Variants in HABP4 observed in about 807,000 individuals in gnomAD.
The protein encoded by HABP4 is hyaluronan binding protein 4, also known as intracellular hyaluronan-binding protein 4.
A neutral mutation model predicts 44.1 loss-of-function variants in HABP4; 32 were observed. That is an observed-to-expected ratio of 0.73 (90% CI 0.55 to 0.97). The LOEUF (loss-of-function observed/expected upper bound fraction) is 0.97. Among genes scored for constraint, HABP4 ranks in the 50% least tolerant of loss-of-function variants. HABP4 has a pLI of 0.00. For synonymous variants in HABP4, 216 were observed against 218.0 expected (o/e 0.99, Z 0.08); for missense variants, 503 against 561.9 (o/e 0.90, Z 1.06).
chr9:96,450,260 C>T lies in HABP4; in HGVS notation c.-20C>T, dbSNP rs1166253909. 1.4e-6 allele frequency: 2 copies of T among 1,415,752 alleles called. No individual in the cohort carries two copies. Among genetic ancestry groups the T allele is most frequent in the Admixed American group, 2.6e-5 (1 of 38,470 alleles). 87.7% of individuals were successfully genotyped at this position (1,415,752 alleles called of 1,614,324 possible). On this transcript the variant is annotated 5_prime_UTR_variant, in exon 1 of 8. Coordinates refer to ENST00000375249, the MANE Select transcript of HABP4 (RefSeq NM_014282.4). This position sits in a 1 kb window ranked among gnomAD's most constrained non-coding sequence, Gnocchi z 4.8. The stretch of plus-strand genomic sequence containing the variant: ...CGCTCGCGTGGGCTGCCCTCCCGGG[C>T]CCGCAGTGGTCGCGGCGGCATGAAG...
intron 5 of HABP4, among the ~76,000 whole-genome samples, chr9:96,473,909 C>T (rs1481925286): frequency 2.0e-5 from 3 of 152,240 alleles, no homozygotes; most frequent in East Asian, 1.9e-4. Flanking sequence ...GAAATCCCAG[C>T]TCTGCCACTT....
At chr9:96,462,051 C>T (rs994985417) in intron 2 of HABP4, among the ~76,000 whole-genome samples, 1 of 151,242 alleles carries the variant, frequency 6.6e-6, no homozygotes, top group Non-Finnish European at 1.5e-5. Context: ...GAGGCTGAGG[C>T]AGGAGAATCG....
chr9:96,484,411 C>A, intron 5 of HABP4, 51 bp from the exon 6 acceptor site: 1 of 779,542 alleles, frequency 1.3e-6, no homozygotes, highest in Non-Finnish European at 2.1e-6. Context: ...ATAAAGTAGA[C>A]ATTTTAGTAC....
intron 1 of HABP4, among the ~76,000 whole-genome samples, chr9:96,455,866 C>T (rs1332635057): frequency 6.6e-6 from 1 of 151,756 alleles, no homozygotes; most frequent in Non-Finnish European, 1.5e-5. Context: ...ACCAGCCTGG[C>T]CAACATGGTG....
At chr9:96,473,660 G>A (rs1832732457) in intron 5 of HABP4, among the ~76,000 whole-genome samples, 1 of 152,124 alleles carries the variant, frequency 6.6e-6, no homozygotes, top group Non-Finnish European at 1.5e-5. Flanking sequence ...AAACCCTCAA[G>A]TTCAGACATT....
intron 3 of HABP4, 55 bp from the exon 4 acceptor site, chr9:96,465,655 G>A (rs1248985729): frequency 2.3e-6 from 3 of 1,286,906 alleles, no homozygotes; most frequent in East Asian, 2.3e-5. Flanking sequence ...TTTCTGATTT[G>A]GAGATTGACT....
intron 1 of HABP4, among the ~76,000 whole-genome samples, chr9:96,456,771 AAAAAAAAAAATATATATAT>A (rs1832388537): frequency 4.2e-5 from 3 of 70,740 alleles, no homozygotes; most frequent in Non-Finnish European, 7.5e-5. Flanking sequence ...AAAAAAAAAA[AAAAAAAAAAATATATATAT>A]ATATATATAT....
chr9:96,452,980 G>A (rs1446506281), intron 1 of HABP4, among the ~76,000 whole-genome samples: 1 of 138,568 alleles, frequency 7.2e-6, no homozygotes, highest in Non-Finnish European at 1.5e-5. Context: ...GAGTGCAGTG[G>A]CATGATCTCG....
At chr9:96,486,160 C>A (rs979572991) in intron 6 of HABP4, among the ~76,000 whole-genome samples, 2 of 152,158 alleles carry the variant, frequency 1.3e-5, no homozygotes, top group Admixed American at 1.3e-4. Context: ...CCATTGCACT[C>A]CAGCCTGGGC....
rs1232893787 is a variant in HABP4, at chr9:96,450,474, C to T, written c.195C>T (p.Ala65=). ...RKRRDEAAAA[A]GAGPRGGRSP... Reference sequence around the variant, plus strand: ...GGCGCGACGAGGCGGCGGCGGCGGCCGGGGCCGGTCCCCGCGGCGGCAGGA... The same window carrying T: ...GGCGCGACGAGGCGGCGGCGGCGGCTGGGGCCGGTCCCCGCGGCGGCAGGA... Residue 65 remains alanine, a synonymous_variant, in exon 1 of 8, where the codon GCC becomes GCT. Transcript: ENST00000375249. The surrounding 1 kb of genome is among the most constrained non-coding windows in gnomAD (Gnocchi z 4.8). The T allele has an allele frequency of 8.2e-7, 1 of 1,214,804 alleles. No homozygotes were observed. Among genetic ancestry groups the T allele is most frequent in the Non-Finnish European group, 1.0e-6 (1 of 975,050 alleles). The allele number at this position is 1,214,804 out of a possible 1,614,324, so 75.3% of individuals were successfully genotyped here.
chr9:96,454,730 G>C lies in HABP4; in HGVS notation c.350-3649G>C, dbSNP rs186357472. Among the ~76,000 whole-genome samples, 11 of 152,180 alleles carry C rather than the reference G, an allele frequency of 7.2e-5. 1 individual carries two copies. In the East Asian group the frequency reaches 1.9e-3, roughly 27 times the overall value. ...CCCAAAGTGCTGGGATTACAGGCAT[G>C]AGCCACCGCGCCTGGCCCCAGTTCT... On this transcript the variant is annotated intron_variant, in intron 1 of 7. Coordinates refer to ENST00000375249, the MANE Select transcript of HABP4 (RefSeq NM_014282.4).
chr9:96,463,253 G>GT (rs1375920311), intron 2 of HABP4, among the ~76,000 whole-genome samples: 3 of 150,504 alleles, frequency 2.0e-5, no homozygotes, highest in South Asian at 2.1e-4. Context: ...GCCTGCTTTA[G>GT]TTTTTTTATT....
Position 96,458,416 on chromosome 9 carries a change from A to G in HABP4, c.387A>G (p.Gly129=), listed in dbSNP as rs1339260634. The change falls in exon 2 of 8, where the codon GGA becomes GGG. Residue 129 remains glycine, a synonymous_variant. Transcript: ENST00000375249. ...CTCCTAGAAGAGGGGAGCAGCAAGG[A>G]TGGAATGACAGCCGTGGGCCGGAGG... The part of the protein sequence containing the change: ...KRTPRRGEQQ[G]WNDSRGPEGM... The G allele has an allele frequency of 2.5e-6, 4 of 1,613,962 alleles. No homozygotes were observed. Among genetic ancestry groups the G allele is most frequent in the Non-Finnish European group, 2.5e-6 (3 of 1,180,004 alleles).
chr9:96,472,481 C>T (rs1031574133), intron 5 of HABP4, among the ~76,000 whole-genome samples: 1 of 152,130 alleles, frequency 6.6e-6, no homozygotes, highest in African/African-American at 2.4e-5. Context: ...ACTTCATCAT[C>T]CTCCCACTGC....
intron 4 of HABP4, among the ~76,000 whole-genome samples, chr9:96,469,149 T>C (rs1475428693): frequency 6.6e-6 from 1 of 152,258 alleles, no homozygotes; most frequent in Non-Finnish European, 1.5e-5. Flanking sequence ...ATTTTTTCTA[T>C]TTATCTGTGC....
chr9:96,462,961 T>C (rs1324480570), intron 2 of HABP4, among the ~76,000 whole-genome samples: 2 of 152,148 alleles, frequency 1.3e-5, no homozygotes, highest in South Asian at 2.1e-4. Context: ...GTTTTAGAAC[T>C]GTACTTTAGA....
At chr9:96,489,945 G>T (rs1438070722) in intron 7 of HABP4, 37 bp from the exon 8 acceptor site, 2 of 1,267,836 alleles carry the variant, frequency 1.6e-6, no homozygotes, top group Non-Finnish European at 2.3e-6. Context: ...ATGGATGAAG[G>T]GGCAGTGGAT....
At chr9:96,468,990 G>T (rs1180890595) in intron 4 of HABP4, among the ~76,000 whole-genome samples, 1 of 152,202 alleles carries the variant, frequency 6.6e-6, no homozygotes, top group South Asian at 2.1e-4. Flanking sequence ...TGTATTAAAG[G>T]TGTAAGGGCT....
At chr9:96,476,534 A>G (rs924686140) in intron 5 of HABP4, among the ~76,000 whole-genome samples, 1 of 152,218 alleles carries the variant, frequency 6.6e-6, no homozygotes, top group Non-Finnish European at 1.5e-5. Context: ...ACAAACCAAG[A>G]ATTGTGAAGG....
Sources: allele counts gnomAD v4.1 joint callset (sites outside exome capture counted in the v4.1 genomes callset), GRCh38; gene constraint gnomAD v4.1.1; non-coding constraint Gnocchi (gnomAD v3.1); transcripts MANE v1.5; gene names NCBI Gene and HGNC (gene_info 2026-07-23, HGNC 2026-07-21).